Variants in JCAD observed in about 807,000 individuals in gnomAD.
The protein encoded by JCAD is junctional cadherin 5-associated protein.
Under a neutral mutation model 98.0 loss-of-function variants are expected in JCAD, and 40 were observed. The ratio of observed to expected loss-of-function variants is 0.41; its 90% CI spans 0.32 to 0.53. JCAD has a LOEUF of 0.53. Ranked by LOEUF, JCAD falls within the 20% of genes least tolerant of loss-of-function variation. JCAD has a pLI of 0.31. For missense variants in JCAD, 1,705 were observed against 1,738.1 expected (o/e 0.98, Z 0.34); for synonymous variants, 691 against 682.3 (o/e 1.01, Z -0.20).
chr10:30,103,346 A>G (rs1299263406), intron 1 of JCAD, among the ~76,000 whole-genome samples: 2 of 152,186 alleles, frequency 1.3e-5, no homozygotes, highest in African/African-American at 2.4e-5. Flanking sequence ...AAAAAACAGT[A>G]CGGTTGTTCC....
At chr10:30,093,543 A>G (rs1354987445) in intron 1 of JCAD, among the ~76,000 whole-genome samples, 2 of 152,236 alleles carry the variant, frequency 1.3e-5, no homozygotes, top group East Asian at 3.8e-4. Flanking sequence ...GGCTCGCTGC[A>G]TTAATGATGA....
chr10:30,068,154 C>T (rs1291154002), intron 2 of JCAD, among the ~76,000 whole-genome samples: 2 of 151,996 alleles, frequency 1.3e-5, no homozygotes, highest in Non-Finnish European at 2.9e-5. Context: ...TTCGGGGGGC[C>T]GAGGCAGGTG....
At chr10:30,031,776 A>T (rs1837002388) in intron 2 of JCAD, among the ~76,000 whole-genome samples, 1 of 77,356 alleles carries the variant, frequency 1.3e-5, no homozygotes. Flanking sequence ...TTTTTTTGAG[A>T]CGGAGTCTTG....
intron 3 of JCAD, among the ~76,000 whole-genome samples, chr10:30,020,326 CAAAAAA>C (rs59762991): frequency 4.8e-5 from 4 of 83,062 alleles, no homozygotes; most frequent in African/African-American, 1.3e-4. Context: ...GACTCGGTCT[CAAAAAA>C]AAAAAAAAAA....
At position 30,026,777 on chromosome 10, in the gene JCAD, G is replaced by A; in HGVS notation, c.3371C>T (p.Pro1124Leu). The A allele has an allele frequency of 6.2e-7, 1 of 1,614,138 alleles. No homozygotes were observed. Among genetic ancestry groups the A allele is most frequent in the South Asian group, 1.1e-5 (1 of 91,086 alleles). The part of the protein sequence containing the change: ...PDASACTPES[P>L]QEELLSRPAP... ...TGGGCGAGATAGCAACTCTTCCTGG[G>A]GGGACTCTGGGGTGCAGGCACTTGC... The change falls in exon 3 of 4, where the codon CCC becomes CTC. Residue 1124 changes from proline to leucine, a missense_variant. By Grantham distance (98) the Pro-to-Leu change is moderately conservative. This residue lies in a region of JCAD where 1,278 missense variants were observed against 1,243.1 expected (regional missense o/e 1.03). Coordinates refer to ENST00000375377, the MANE Select transcript of JCAD (RefSeq NM_020848.4).
chr10:30,065,961 G>A (rs188858705), intron 2 of JCAD, among the ~76,000 whole-genome samples: 25 of 152,246 alleles, frequency 1.6e-4, no homozygotes, highest in Admixed American at 1.3e-3. Flanking sequence ...TTCTACCTTT[G>A]AGATCCTGGA....
intron 2 of JCAD, among the ~76,000 whole-genome samples, chr10:30,038,307 C>G (rs184718466): frequency 7.2e-5 from 11 of 152,144 alleles, no homozygotes; most frequent in Admixed American, 7.2e-4. Context: ...GTTTAATGCA[C>G]GTAACAAAAT....
At chr10:30,032,000 C>T (rs1009623854) in intron 2 of JCAD, among the ~76,000 whole-genome samples, 2 of 151,834 alleles carry the variant, frequency 1.3e-5, no homozygotes, top group Non-Finnish European at 1.5e-5. Context: ...GTGATCCGCC[C>T]GCCTCGGCCT....
intron 1 of JCAD, among the ~76,000 whole-genome samples, chr10:30,092,098 T>TAAAATATATATATA (rs1554802539): frequency 2.2e-5 from 1 of 44,598 alleles, no homozygotes; most frequent in African/African-American, 1.2e-4. Flanking sequence ...TAAAGTTACT[T>TAAAATATATATATA]TATATATATA....
intron 1 of JCAD, among the ~76,000 whole-genome samples, chr10:30,084,792 T>C (rs1364202506): frequency 6.7e-6 from 1 of 149,596 alleles, no homozygotes; most frequent in Non-Finnish European, 1.5e-5. Context: ...TATCTATCTA[T>C]CTATCTATCT....
intron 3 of JCAD, among the ~76,000 whole-genome samples, chr10:30,018,132 C>T (rs1836576169): frequency 6.6e-6 from 1 of 152,156 alleles, no homozygotes; most frequent in African/African-American, 2.4e-5. Flanking sequence ...ATTACCCAAA[C>T]ACAGATGGGA....
chr10:30,030,173 G>A (rs543567215), intron 2 of JCAD, among the ~76,000 whole-genome samples: 1 of 152,224 alleles, frequency 6.6e-6, no homozygotes, highest in Non-Finnish European at 1.5e-5. Flanking sequence ...GCCGGGCACC[G>A]TGGCTCATGC....
At chr10:30,070,543 A>C (rs1837865978) in intron 1 of JCAD, among the ~76,000 whole-genome samples, 1 of 152,310 alleles carries the variant, frequency 6.6e-6, no homozygotes, top group Non-Finnish European at 1.5e-5. Flanking sequence ...ATTTGTCCGC[A>C]TCTTTTTACA....
chr10:30,105,014 T>A (rs1191820695), intron 1 of JCAD, among the ~76,000 whole-genome samples: 1 of 152,220 alleles, frequency 6.6e-6, no homozygotes, highest in East Asian at 1.9e-4. Flanking sequence ...GAGCTTTTAT[T>A]ATTTTTACTT....
chr10:30,067,877 C>T (rs1013017959), intron 2 of JCAD, among the ~76,000 whole-genome samples: 1 of 152,144 alleles, frequency 6.6e-6, no homozygotes, highest in African/African-American at 2.4e-5. Context: ...ACCTAGGCTA[C>T]GTGCTATAGC....
In JCAD at chr10:30,028,862, G is replaced by A. The variant is rs1836912817; in HGVS notation, c.1286C>T (p.Pro429Leu). The change falls in exon 3 of 4, where the codon CCA (proline) becomes CTA (leucine). Residue 429 changes from proline (P) to leucine (L), a missense_variant. Pro to Leu is a moderately conservative substitution (Grantham distance 98). This residue lies in a region of JCAD where 1,278 missense variants were observed against 1,243.1 expected (regional missense o/e 1.03). Transcript: ENST00000375377. ...AGCTAGTTTAAAATGTCGTAACCGT[G>A]GATCATCAAAGGGAATGTACTGAAC... is the stretch of plus-strand genomic sequence containing the variant. Reference protein sequence around the residue: ...GFVQYIPFDDPRLRHFKLAQP... With the variant: ...GFVQYIPFDDLRLRHFKLAQP... The A allele has an allele frequency of 6.2e-7, 1 of 1,614,176 alleles. No individual in the cohort carries two copies. The highest frequency in any genetic ancestry group is 8.5e-7 in the Non-Finnish European group (1 of 1,180,036).
upstream of JCAD, among the ~76,000 whole-genome samples, chr10:30,062,950 A>G (rs928903620): frequency 3.9e-5 from 6 of 152,196 alleles, no homozygotes; most frequent in Non-Finnish European, 8.8e-5. Flanking sequence ...AAATGTAGGA[A>G]GATAATAAAG....
At chr10:30,056,718 C>G (rs894504827) in intron 1 of JCAD, among the ~76,000 whole-genome samples, 8 of 152,166 alleles carry the variant, frequency 5.3e-5, no homozygotes, top group African/African-American at 1.9e-4. Context: ...TATTCCCAAG[C>G]ATATCTATAG....
chr10:30,089,403 C>T (rs1223661702), intron 1 of JCAD, among the ~76,000 whole-genome samples: 2 of 152,132 alleles, frequency 1.3e-5, no homozygotes, highest in African/African-American at 4.8e-5. Context: ...TCGCCCTGCT[C>T]AGTCTGGCTG....
Sources: gnomAD v4.1 joint callset for allele counts (sites outside exome capture counted in the v4.1 genomes callset) on GRCh38, gnomAD v4.1.1 for gene constraint, gnomAD v4.1.1 regional missense constraint, MANE v1.5 for transcripts, NCBI Gene and HGNC (gene_info 2026-07-23, HGNC 2026-07-21) for gene names.